FAM13A: variants seen among roughly 807,000 people sequenced by gnomAD.
The protein encoded by FAM13A is protein FAM13A.
FAM13A carries 76 observed loss-of-function variants against 129.6 expected under a neutral mutation model. The ratio of observed to expected loss-of-function variants is 0.59; its 90% CI spans 0.49 to 0.71. The LOEUF (loss-of-function observed/expected upper bound fraction) is 0.71. Among genes scored for constraint, FAM13A ranks in the 30% least tolerant of loss-of-function variants. FAM13A has a pLI of 0.00. For synonymous variants in FAM13A, 443 were observed against 449.9 expected, an observed-to-expected ratio of 0.98 and a Z score of 0.20; for missense variants, 1,108 against 1,249.3, an observed-to-expected ratio of 0.89 and a Z score of 1.70.
At chr4:88,729,617 C>T (rs1351060061) in intron 23 of FAM13A, 3 of 152,198 alleles carry the variant, frequency 2.0e-5, no homozygotes, top group African/African-American at 7.2e-5. Flanking sequence ...GAGCATCTGG[C>T]ACGCAGGCCC....
chr4:89,021,301 G>A (rs1352823224), intron 2 of FAM13A, among the ~76,000 whole-genome samples: 1 of 152,206 alleles, frequency 6.6e-6, no homozygotes, highest in Non-Finnish European at 1.5e-5. Flanking sequence ...GGCTGGAGCT[G>A]TTACGCTGTG....
At chr4:88,978,371 A>C (rs1052356123) in intron 4 of FAM13A, among the ~76,000 whole-genome samples, 2 of 152,214 alleles carry the variant, frequency 1.3e-5, no homozygotes, top group Non-Finnish European at 2.9e-5. Flanking sequence ...ATACAAACAG[A>C]ACTTAATAAG....
intron 7 of FAM13A, among the ~76,000 whole-genome samples, chr4:88,832,088 C>T (rs1425267910): frequency 6.6e-6 from 1 of 152,034 alleles, no homozygotes; most frequent in Non-Finnish European, 1.5e-5. Context: ...CATTGCACAC[C>T]TAAAACCGTC....
chr4:88,837,561 C>CA (rs563691471), intron 7 of FAM13A, among the ~76,000 whole-genome samples: 1 of 150,742 alleles, frequency 6.6e-6, no homozygotes, highest in East Asian at 2.0e-4. Flanking sequence ...ACTAAAAATA[C>CA]AAAAAAATTA....
At chr4:88,864,120 C>T (rs1195401303) in intron 6 of FAM13A, among the ~76,000 whole-genome samples, 1 of 152,138 alleles carries the variant, frequency 6.6e-6, no homozygotes, top group Non-Finnish European at 1.5e-5. Flanking sequence ...ATATGTGACA[C>T]CTTACAACCT....
chr4:88,870,740 C>A (rs983615262), intron 6 of FAM13A, among the ~76,000 whole-genome samples: 2 of 152,226 alleles, frequency 1.3e-5, no homozygotes, highest in Non-Finnish European at 2.9e-5. Flanking sequence ...ACTTAAACGT[C>A]CCTGTCTGAC....
intron 11 of FAM13A, among the ~76,000 whole-genome samples, chr4:88,778,804 T>A (rs1722282224): frequency 6.6e-6 from 1 of 152,212 alleles, no homozygotes; most frequent in Admixed American, 6.5e-5. Flanking sequence ...TGCTTTCCAT[T>A]CCCTCTTTCA....
At chr4:88,826,312 TAA>T (rs35488589) in intron 7 of FAM13A, among the ~76,000 whole-genome samples, 17,459 of 138,890 alleles carry the variant, frequency 0.13, 1,113 homozygotes, top group Non-Finnish European at 0.14. Context: ...CACGTAGGAT[TAA>T]AAAAAAAAAA....
chr4:89,003,539 T>C (rs966248684), intron 3 of FAM13A, among the ~76,000 whole-genome samples: 5 of 151,740 alleles, frequency 3.3e-5, no homozygotes, highest in African/African-American at 9.7e-5. Flanking sequence ...GTTATAGGTG[T>C]GCGGGAGGTG....
chr4:88,989,394 G>C (rs1340941624), intron 4 of FAM13A, among the ~76,000 whole-genome samples: 1 of 151,938 alleles, frequency 6.6e-6, no homozygotes, highest in African/African-American at 2.4e-5. Context: ...TTGAGCCCAG[G>C]AGTTTGAGAC....
intron 7 of FAM13A, among the ~76,000 whole-genome samples, chr4:88,838,810 C>G (rs1735297312): frequency 6.6e-6 from 1 of 152,104 alleles, no homozygotes; most frequent in African/African-American, 2.4e-5. Context: ...AGTACTTGCA[C>G]TTTTACCTGC....
intron 4 of FAM13A, among the ~76,000 whole-genome samples, chr4:88,963,337 G>A (rs13148439): frequency 0.23 from 34,031 of 148,490 alleles, 4,295 homozygotes; most frequent in Middle Eastern, 0.38. Flanking sequence ...TCGCTCTGTC[G>A]CCCAGGCTGG....
rs76758656 is a variant in FAM13A at position 88,815,424 on chromosome 4, T to G, written c.1008-10372A>C. ...GGGATAATTTGCACAAGGGTTATAA[T>G]GTACTATACTTTGGTTCTGGAGTCC... On this transcript the variant is annotated intron_variant, in intron 7 of 23. Coordinates refer to ENST00000264344, the MANE Select transcript of FAM13A (RefSeq NM_014883.4). Among the ~76,000 whole-genome samples the G allele has an allele frequency of 1.6e-4, 25 of 152,332 alleles. No homozygotes were observed. The East Asian group carries it at 4.6e-3, about 28-fold the overall frequency.
At chr4:88,833,138 C>A (rs769417768) in intron 7 of FAM13A, among the ~76,000 whole-genome samples, 12 of 152,134 alleles carry the variant, frequency 7.9e-5, no homozygotes, top group Non-Finnish European at 1.3e-4. Flanking sequence ...AACAGAAAAT[C>A]AAATACCAAA....
intron 4 of FAM13A, among the ~76,000 whole-genome samples, chr4:88,968,581 C>T (rs576151895): frequency 6.6e-6 from 1 of 152,252 alleles, no homozygotes; most frequent in East Asian, 1.9e-4. Context: ...AGAGGATATA[C>T]ACTGTTCTTT....
chr4:89,052,147 A>G (rs1771673724), intron 1 of FAM13A, among the ~76,000 whole-genome samples: 1 of 151,982 alleles, frequency 6.6e-6, no homozygotes, highest in Admixed American at 6.6e-5. Flanking sequence ...AAGGGCAGCC[A>G]CCCTGCTTCA....
intron 3 of FAM13A, among the ~76,000 whole-genome samples, chr4:89,001,598 A>T (rs1436058798): frequency 6.6e-6 from 1 of 152,224 alleles, no homozygotes; most frequent in Non-Finnish European, 1.5e-5. Flanking sequence ...AATATATCAT[A>T]TGCTTGTTAT....
At chr4:88,866,231 A>G (rs1242952347) in intron 6 of FAM13A, among the ~76,000 whole-genome samples, 17 of 152,032 alleles carry the variant, frequency 1.1e-4, no homozygotes, top group Admixed American at 1.1e-3. Flanking sequence ...TATTTTTAGT[A>G]GAGACGCGGT....
At chr4:88,837,633 G>A (rs1250435509) in intron 7 of FAM13A, among the ~76,000 whole-genome samples, 2 of 148,768 alleles carry the variant, frequency 1.3e-5, no homozygotes, top group African/African-American at 2.5e-5. Flanking sequence ...CAGGAGAATC[G>A]CTTGAGCCTG....
Sources: gnomAD v4.1 joint callset for allele counts (sites outside exome capture counted in the v4.1 genomes callset) on GRCh38, gnomAD v4.1.1 for gene constraint, MANE v1.5 for transcripts, NCBI Gene and HGNC (gene_info 2026-07-23, HGNC 2026-07-21) for gene names.